RALGAPB: variants seen among roughly 807,000 people sequenced by gnomAD.
RALGAPB encodes Ral GTPase activating protein non-catalytic subunit beta, also known as ral GTPase-activating protein subunit beta.
RALGAPB carries 25 observed loss-of-function variants against 161.1 expected under a neutral mutation model. The ratio of observed to expected loss-of-function variants is 0.16; its 90% confidence interval spans 0.11 to 0.22. The LOEUF is 0.22. Ranked by LOEUF, RALGAPB falls within the 10% of genes least tolerant of loss-of-function variation. The probability of loss-of-function intolerance (pLI) is 1.00; values close to 1 mark genes in which losing one functional copy is unlikely to be tolerated. For synonymous variants in RALGAPB, 629 were observed against 626.1 expected (o/e 1.00, Z -0.07); for missense variants, 1,391 against 1,815.2 (o/e 0.77, Z 4.25).
At chr20:38,477,439 C>T (rs1420751761) in intron 1 of RALGAPB, among the ~76,000 whole-genome samples, 1 of 152,094 alleles carries the variant, frequency 6.6e-6, no homozygotes, top group African/African-American at 2.4e-5. Context: ...GAGATGCAGG[C>T]AGAACCTGTC....
intron 5 of RALGAPB, among the ~76,000 whole-genome samples, chr20:38,502,536 G>A (rs1193097834): frequency 1.3e-5 from 2 of 152,144 alleles, no homozygotes; most frequent in Admixed American, 6.5e-5. Flanking sequence ...TAAACTTATG[G>A]TATCAATAAA....
At chr20:38,544,408 A>G (rs1237524881) in intron 18 of RALGAPB, among the ~76,000 whole-genome samples, 2 of 151,856 alleles carry the variant, frequency 1.3e-5, no homozygotes, top group South Asian at 2.1e-4. Context: ...GTTATTCTCA[A>G]CTGGCATAGA....
At chr20:38,509,875 T>C (rs1456821590) in intron 6 of RALGAPB, among the ~76,000 whole-genome samples, 3 of 152,228 alleles carry the variant, frequency 2.0e-5, no homozygotes, top group African/African-American at 7.2e-5. Flanking sequence ...GAATTACTCT[T>C]TATGACCTTT....
intron 19 of RALGAPB, chr20:38,547,695 T>A (rs569680018): frequency 5.3e-5 from 8 of 152,320 alleles, no homozygotes; most frequent in Admixed American, 3.9e-4. Context: ...TGAGATGCGG[T>A]GACATTAATG....
chr20:38,525,888 T>C lies in RALGAPB; in HGVS notation c.1903-7T>C. ...CTGATGTTAAATATTATTTGTTTTT[T>C]CCATAGGTGGTCCTGGAAGGAAAGT... On this transcript the variant is annotated splice_polypyrimidine_tract_variant and splice_region_variant and intron_variant, in intron 12 of 29. Transcript: ENST00000262879. 1 of 1,610,352 alleles carries C rather than the reference T, an allele frequency of 6.2e-7. No individual in the cohort carries two copies. Among genetic ancestry groups the C allele is most frequent in the Non-Finnish European group, 8.5e-7 (1 of 1,179,026 alleles).
intron 22 of RALGAPB, among the ~76,000 whole-genome samples, chr20:38,557,062 T>A (rs988637074): frequency 6.6e-6 from 1 of 152,226 alleles, no homozygotes; most frequent in Non-Finnish European, 1.5e-5. Flanking sequence ...TGAAAGACAG[T>A]CATTCTTGCT....
intron 1 of RALGAPB, among the ~76,000 whole-genome samples, chr20:38,480,284 T>A (rs1253489727): frequency 6.6e-6 from 1 of 151,400 alleles, no homozygotes; most frequent in Non-Finnish European, 1.5e-5. Flanking sequence ...TACATATAGC[T>A]TTCTTTCCTT....
rs149634381 is a variant in RALGAPB at position 38,514,432 on chromosome 20, G to A, written c.873-1760G>A. On this transcript the variant is annotated intron_variant, in intron 6 of 29. Coordinates refer to ENST00000262879, the MANE Select transcript of RALGAPB (RefSeq NM_020336.4). ...TTTCCCTTTGCTTAGTTTCTCCAAA[G>A]GGAAAATTGGATCAAATTATCTTCG... 2.6e-3 allele frequency among the ~76,000 whole-genome samples: 401 copies of A among 152,294 alleles called. 1 individual carries two copies. Among genetic ancestry groups the A allele is most frequent in the African/African-American group, 9.2e-3 (382 of 41,538 alleles).
intron 16 of RALGAPB, among the ~76,000 whole-genome samples, chr20:38,537,323 T>C (rs942064202): frequency 6.6e-6 from 1 of 152,132 alleles, no homozygotes; most frequent in Non-Finnish European, 1.5e-5. Context: ...TTTTGATTCA[T>C]ACCTTGCACT....
At position 38,532,860 on chromosome 20, in the gene RALGAPB, G is replaced by T; in HGVS notation, c.2245+1G>T. 1 of 1,612,094 alleles carries T rather than the reference G, an allele frequency of 6.2e-7. No individual in the cohort carries two copies. The highest frequency in any genetic ancestry group is 8.5e-7 in the Non-Finnish European group (1 of 1,178,600). On this transcript the variant is annotated splice_donor_variant, in intron 15 of 29. Transcript: ENST00000262879. LOFTEE classifies it high-confidence loss of function. Reference sequence around the variant, plus strand: ...GCTCAAGCTCTCTTAAGAGATTATGGTTAGTCGTGTTTCTTTTGAAATTCA... The same window carrying T: ...GCTCAAGCTCTCTTAAGAGATTATGTTTAGTCGTGTTTCTTTTGAAATTCA...
intron 22 of RALGAPB, among the ~76,000 whole-genome samples, chr20:38,556,547 G>T (rs1214691063): frequency 6.6e-6 from 1 of 152,008 alleles, no homozygotes; most frequent in Middle Eastern, 3.2e-3. Flanking sequence ...ATGATATTCA[G>T]TTAAAAATAC....
At chr20:38,494,327 A>G (rs2085356228) in intron 3 of RALGAPB, among the ~76,000 whole-genome samples, 1 of 152,178 alleles carries the variant, frequency 6.6e-6, no homozygotes, top group Non-Finnish European at 1.5e-5. Flanking sequence ...TTGATTTCAC[A>G]TGGAATTAAA....
intron 6 of RALGAPB, among the ~76,000 whole-genome samples, chr20:38,515,365 T>C (rs1262962808): frequency 1.3e-5 from 2 of 152,260 alleles, no homozygotes; most frequent in Non-Finnish European, 2.9e-5. Flanking sequence ...CCTAGTTCTT[T>C]TGCCTTGTAG....
intron 22 of RALGAPB, among the ~76,000 whole-genome samples, chr20:38,554,508 G>A (rs1430974211): frequency 6.6e-6 from 1 of 152,188 alleles, no homozygotes; most frequent in Non-Finnish European, 1.5e-5. Context: ...GTATTTGTAA[G>A]TCAAGCACTT....
chr20:38,547,620 A>G (rs1209391444), intron 19 of RALGAPB: 2 of 152,220 alleles, frequency 1.3e-5, no homozygotes, highest in Non-Finnish European at 2.9e-5. Flanking sequence ...ATGAAGTGAA[A>G]GTGAGACATT....
intron 1 of RALGAPB, among the ~76,000 whole-genome samples, chr20:38,473,286 C>T (rs1262589977): frequency 6.6e-6 from 1 of 152,128 alleles, no homozygotes; most frequent in Non-Finnish European, 1.5e-5. Flanking sequence ...TGTGTAAACC[C>T]GGTCTAATCC....
At chr20:38,482,823 C>G (rs938294394) in intron 1 of RALGAPB, among the ~76,000 whole-genome samples, 1 of 152,144 alleles carries the variant, frequency 6.6e-6, no homozygotes, top group Non-Finnish European at 1.5e-5. Context: ...ATGTTTCAAA[C>G]GGATTACATA....
chr20:38,506,392 C>G (rs905500758), intron 5 of RALGAPB, among the ~76,000 whole-genome samples: 2 of 151,988 alleles, frequency 1.3e-5, no homozygotes, highest in African/African-American at 2.4e-5. Flanking sequence ...CTCTTAGGCT[C>G]AAGTGATCCT....
intron 5 of RALGAPB, among the ~76,000 whole-genome samples, chr20:38,501,377 C>T (rs1037280782): frequency 6.6e-5 from 10 of 152,010 alleles, no homozygotes; most frequent in African/African-American, 9.7e-5. Context: ...TTTGGGAGTA[C>T]GAGGTGGGCA....
Sources: allele counts gnomAD v4.1 joint callset (sites outside exome capture counted in the v4.1 genomes callset), GRCh38; gene constraint gnomAD v4.1.1; transcripts MANE v1.5; gene names NCBI Gene and HGNC (gene_info 2026-07-23, HGNC 2026-07-21).